The following ALLC variants were observed in gnomAD, a reference collection of about 807,000 sequenced individuals.
The protein encoded by ALLC is allantoicase, also known as probable inactive allantoicase.
Under a neutral mutation model 45.0 loss-of-function variants are expected in ALLC, and 40 were observed. The ratio of observed to expected loss-of-function variants is 0.89; its 90% confidence interval spans 0.69 to 1.16. ALLC has a LOEUF of 1.16. Ranked by LOEUF, ALLC falls within the 50% of genes most tolerant of loss-of-function variation. ALLC has a pLI of 0.00. For synonymous variants in ALLC, 176 were observed against 178.1 expected (o/e 0.99, Z 0.09); for missense variants, 488 against 493.1 (o/e 0.99, Z 0.10).
chr2:3,693,833 C>A (rs1203993917), intron 7 of ALLC, among the ~76,000 whole-genome samples: 1 of 152,052 alleles, frequency 6.6e-6, no homozygotes, highest in African/African-American at 2.4e-5. Flanking sequence ...ACTAAAAATA[C>A]AAAAATTAGC....
intron 7 of ALLC, among the ~76,000 whole-genome samples, chr2:3,686,687 A>G (rs935672371): frequency 4.0e-5 from 6 of 150,910 alleles, no homozygotes; most frequent in African/African-American, 1.4e-4. Flanking sequence ...TCAGTATTTT[A>G]TAGTTTTTGT....
rs929802396 is a variant in ALLC, at chr2:3,696,274, G to A, written c.668-1G>A. 8 of 1,612,336 alleles carry A rather than the reference G, an allele frequency of 5.0e-6. No individual in the cohort carries two copies. Among genetic ancestry groups the A allele is most frequent in the Non-Finnish European group, 6.8e-6 (8 of 1,179,110 alleles). On this transcript the variant is annotated splice_acceptor_variant, in intron 8 of 11. Transcript: ENST00000252505. LOFTEE classifies it high-confidence loss of function. ...CCATTCAACAATGTTATTTTCTGTA[G>A]GAGTTGGCGGGGCAAAGTCTATGGC...
At chr2:3,682,127 A>G (rs1386608746) in intron 6 of ALLC, among the ~76,000 whole-genome samples, 1 of 152,200 alleles carries the variant, frequency 6.6e-6, no homozygotes, top group African/African-American at 2.4e-5. Flanking sequence ...TTTAATGTTT[A>G]TTTAGTAATA....
chr2:3,651,411 GT>G, the ALLC span, among the ~76,000 whole-genome samples: 6 of 51,314 alleles, frequency 1.2e-4, no homozygotes, highest in African/African-American at 1.8e-4. Flanking sequence ...GTGTGTGTGT[GT>G]GTGTGTGTGT....
intron 10 of ALLC, among the ~76,000 whole-genome samples, chr2:3,698,114 G>A (rs1324856747): frequency 6.6e-6 from 1 of 151,424 alleles, no homozygotes; most frequent in African/African-American, 2.4e-5. Flanking sequence ...ACAGGTGCCC[G>A]CCATCATGCC....
At chr2:3,691,728 CCCT>C (rs1287095265) in intron 7 of ALLC, among the ~76,000 whole-genome samples, 2 of 152,164 alleles carry the variant, frequency 1.3e-5, no homozygotes, top group African/African-American at 2.4e-5. Flanking sequence ...TTGCTCAACT[CCCT>C]CCTCAACACC....
intron 3 of ALLC, among the ~76,000 whole-genome samples, chr2:3,675,220 C>T (rs905613886): frequency 6.6e-6 from 1 of 151,948 alleles, no homozygotes; most frequent in Non-Finnish European, 1.5e-5. Flanking sequence ...AGCAAGACCC[C>T]ATTTCTGAAA....
intron 1 of ALLC, among the ~76,000 whole-genome samples, chr2:3,658,939 CAA>C (rs549141572): frequency 5.7e-4 from 84 of 146,614 alleles, no homozygotes; most frequent in Non-Finnish European, 1.2e-3. Flanking sequence ...ATATTCAAAA[CAA>C]GAGTCACAAA....
the ALLC span, among the ~76,000 whole-genome samples, chr2:3,651,118 T>C: frequency 6.6e-6 from 1 of 151,598 alleles, no homozygotes; most frequent in African/African-American, 2.4e-5. Context: ...AAGCGTGGGC[T>C]GAGATGGATG....
upstream of ALLC, among the ~76,000 whole-genome samples, chr2:3,657,486 CG>C (rs138672634): frequency 0.07 from 10,682 of 152,070 alleles, 442 homozygotes; most frequent in East Asian, 0.11. Context: ...TCCCTCCCTG[CG>C]CAGGTGACCT....
In ALLC at chr2:3,674,055, T is replaced by G; in HGVS notation, c.34-20T>G. 3 of 1,509,854 alleles carry G rather than the reference T, an allele frequency of 2.0e-6. No individual in the cohort carries two copies. Among genetic ancestry groups the G allele is most frequent in the Non-Finnish European group, 2.7e-6 (3 of 1,113,110 alleles). 93.5% of individuals were successfully genotyped at this position (1,509,854 alleles called of 1,614,324 possible). A position where few individuals can be genotyped will look rare whatever the true frequency, so the allele number is the denominator to read the frequency against. On this transcript the variant is annotated intron_variant, in intron 2 of 11. Transcript: ENST00000252505. ...AGATTTATGGTTGCTTTATCTTTCT[T>G]TCTTTCTTTCTTTGTCTAGATTTTA... is the stretch of plus-strand genomic sequence containing the variant.
At chr2:3,650,125 C>G in the ALLC span, among the ~76,000 whole-genome samples, 1,227 of 152,328 alleles carry the variant, frequency 8.1e-3, 10 homozygotes, top group African/African-American at 0.028. Flanking sequence ...AAGAGCCGTT[C>G]GGCACTGGCT....
the ALLC span, among the ~76,000 whole-genome samples, chr2:3,648,831 C>T: frequency 1.3e-5 from 2 of 152,228 alleles, no homozygotes; most frequent in African/African-American, 4.8e-5. Flanking sequence ...ACAGTGTGAT[C>T]TTCATGAAGT....
At chr2:3,685,428 C>CGAGAGAGAGAGAGAGAGACA (rs1293774605) in intron 7 of ALLC, among the ~76,000 whole-genome samples, 2 of 145,924 alleles carry the variant, frequency 1.4e-5, no homozygotes, top group African/African-American at 5.0e-5. Flanking sequence ...GCAGCAGGAT[C>CGAGAGAGAGAGAGAGAGACA]GAGAGAGAGA....
chr2:3,673,870 G>C (rs1247221448), intron 2 of ALLC, among the ~76,000 whole-genome samples: 1 of 152,222 alleles, frequency 6.6e-6, no homozygotes, highest in Non-Finnish European at 1.5e-5. Context: ...CGGAAAAAAG[G>C]GTGGGAAGAG....
intron 10 of ALLC, among the ~76,000 whole-genome samples, chr2:3,701,045 T>C (rs1667814230): frequency 6.6e-6 from 1 of 152,168 alleles, no homozygotes; most frequent in Non-Finnish European, 1.5e-5. Flanking sequence ...CAAATACACG[T>C]GTGTGGCTGG....
chr2:3,697,426 C>T lies in ALLC; in HGVS notation c.820C>T (p.Arg274Ter), dbSNP rs1558549158. The T allele has an allele frequency of 1.2e-5, 20 of 1,613,550 alleles. No homozygotes were observed. The highest frequency in any genetic ancestry group is 1.5e-5 in the Non-Finnish European group (18 of 1,179,694). Residue 274 changes from arginine to a stop codon, truncating the protein, a stop_gained, in exon 10 of 12, where the codon CGA (arginine) becomes TGA (stop). Transcript: ENST00000252505. LOFTEE classifies it high-confidence loss of function. The part of the protein sequence containing the change: ...FRLAHPGVIT[R>*]IEIDTKYFEG... ...ATTGGCACATCCTGGAGTAATAACTCGAATTGAAATTGACACAAAATATTT... is the reference window on the plus strand; with the variant it reads ...ATTGGCACATCCTGGAGTAATAACTTGAATTGAAATTGACACAAAATATTT...
the ALLC span, among the ~76,000 whole-genome samples, chr2:3,651,328 TG>T: frequency 1.1e-3 from 1 of 898 alleles, no homozygotes; most frequent in African/African-American, 4.2e-3. Flanking sequence ...GGGGTGTGTG[TG>T]TGTGTGTGTG....
intron 1 of ALLC, among the ~76,000 whole-genome samples, chr2:3,665,638 T>A (rs1666685598): frequency 6.6e-6 from 1 of 152,250 alleles, no homozygotes; most frequent in Non-Finnish European, 1.5e-5. Flanking sequence ...GCAAAGGACA[T>A]GATCTCATTC....
Sources: allele counts gnomAD v4.1 joint callset (sites outside exome capture counted in the v4.1 genomes callset), GRCh38; gene constraint gnomAD v4.1.1; transcripts MANE v1.5; gene names NCBI Gene and HGNC (gene_info 2026-07-23, HGNC 2026-07-21).